UNC79: variants seen among roughly 807,000 people sequenced by gnomAD.
UNC79 encodes the protein unc-79 subunit of NALCN channel complex.
Under a neutral mutation model 283.1 loss-of-function variants are expected in UNC79, and 37 were observed. The ratio of observed to expected loss-of-function variants is 0.13; its 90% CI spans 0.10 to 0.17. UNC79 has a LOEUF of 0.17. Among genes scored for constraint, UNC79 ranks in the 10% least tolerant of loss-of-function variants. The pLI, the probability that UNC79 is intolerant of heterozygous loss-of-function variation, is 1.00. For synonymous variants in UNC79, 1,107 were observed against 1,200.2 expected (o/e 0.92, Z 1.61); for missense variants, 2,272 against 3,211.1 (o/e 0.71, Z 7.07).
At chr14:93,603,199 G>A in intron 25 of UNC79, 40 bp from the exon 26 acceptor site, 1 of 1,606,528 alleles carries the variant, frequency 6.2e-7, no homozygotes, top group Admixed American at 1.7e-5. Flanking sequence ...AAAGCCCTGT[G>A]TAAAGGAGAG....
At chr14:93,369,990 T>G (rs2054409558) in intron 1 of UNC79, among the ~76,000 whole-genome samples, 1 of 152,100 alleles carries the variant, frequency 6.6e-6, no homozygotes, top group Non-Finnish European at 1.5e-5. Context: ...AAAAAAATGA[T>G]AAATACTTGT....
chr14:93,389,519 T>C (rs2054841033), intron 1 of UNC79, among the ~76,000 whole-genome samples: 1 of 152,108 alleles, frequency 6.6e-6, no homozygotes, highest in East Asian at 1.9e-4. Context: ...TTTGCTGAAT[T>C]GAGGAGACAG....
intron 41 of UNC79, among the ~76,000 whole-genome samples, chr14:93,679,903 C>T (rs2073696751): frequency 6.6e-6 from 1 of 152,122 alleles, no homozygotes; most frequent in Admixed American, 6.5e-5. Flanking sequence ...TTTTGAGCAG[C>T]TCTATAACAT....
At chr14:93,684,606 A>G (rs138237555) in intron 42 of UNC79, among the ~76,000 whole-genome samples, 1 of 152,336 alleles carries the variant, frequency 6.6e-6, no homozygotes, top group African/African-American at 2.4e-5. Flanking sequence ...CATTATATGT[A>G]TGTGTGTATG....
chr14:93,436,215 A>G (rs2056080786), intron 1 of UNC79, among the ~76,000 whole-genome samples: 2 of 152,224 alleles, frequency 1.3e-5, no homozygotes, highest in South Asian at 4.1e-4. Context: ...TTTTGTTAAT[A>G]TGAAGTTCTG....
intron 30 of UNC79, among the ~76,000 whole-genome samples, chr14:93,627,372 T>C (rs1377447971): frequency 6.6e-6 from 1 of 152,212 alleles, no homozygotes; most frequent in Non-Finnish European, 1.5e-5. Flanking sequence ...CAACCATCAG[T>C]GACCTATTGC....
intron 27 of UNC79, among the ~76,000 whole-genome samples, chr14:93,615,506 G>A (rs1384390758): frequency 6.6e-6 from 1 of 151,800 alleles, no homozygotes; most frequent in Non-Finnish European, 1.5e-5. Context: ...GGAGGATCAC[G>A]AGGTCAGGAG....
chr14:93,378,594 A>T (rs1219929026), intron 1 of UNC79, among the ~76,000 whole-genome samples: 3 of 152,228 alleles, frequency 2.0e-5, no homozygotes, highest in South Asian at 4.1e-4. Flanking sequence ...CCATATACAG[A>T]TAGCCTGAAG....
chr14:93,400,688 G>A (rs772997313), intron 1 of UNC79, among the ~76,000 whole-genome samples: 2 of 152,166 alleles, frequency 1.3e-5, no homozygotes, highest in Non-Finnish European at 2.9e-5. Context: ...GGTGCATATC[G>A]CTTTAGGGTG....
chr14:93,441,916 G>A (rs1281923709), intron 1 of UNC79, among the ~76,000 whole-genome samples: 2 of 151,990 alleles, frequency 1.3e-5, no homozygotes, highest in Admixed American at 1.3e-4. Flanking sequence ...GATCCTTTAG[G>A]AAGGGCTTAC....
At chr14:93,350,168 T>G (rs1011656008) in intron 1 of UNC79, among the ~76,000 whole-genome samples, 1 of 152,070 alleles carries the variant, frequency 6.6e-6, no homozygotes, top group Admixed American at 6.5e-5. Context: ...TCACTAAAAT[T>G]TAAGGTTACT....
chr14:93,622,286 G>A (rs890373947), exon 30 of UNC79: 1 of 1,614,140 alleles, frequency 6.2e-7, no homozygotes, highest in African/African-American at 1.3e-5. Context: ...AGCTCCGCTT[G>A]TACAAGTAAG....
At chr14:93,641,391 T>C (rs1218210826) in intron 33 of UNC79, 144 bp downstream of exon 36, 2 of 754,964 alleles carry the variant, frequency 2.6e-6, no homozygotes, top group Non-Finnish European at 4.3e-6. Flanking sequence ...CACAGATGCT[T>C]GTTCAGTGAG....
rs536701700 is a variant in UNC79 at position 93,536,721 on chromosome 14, T to A, written c.1123-1268T>A. Among the ~76,000 whole-genome samples the A allele has an allele frequency of 1.5e-4, 22 of 151,554 alleles. No individual in the cohort carries two copies. The South Asian group carries it at 1.7e-3, about 12-fold the overall frequency. On this transcript the variant is annotated intron_variant, in intron 11 of 48. Transcript: ENST00000555664. ...GATTCTTAGAACCCTTATTGTTGAA[T>A]GAAGTGGATGCTGAGGTATGCCCTT...
In UNC79 at chr14:93,604,508, A is replaced by C. The variant is rs143219849; in HGVS notation, c.3754+1090A>C. On this transcript the variant is annotated intron_variant, in intron 26 of 48. Transcript: ENST00000555664. ...GATAATCACAGGTGATCATTTAAGA[A>C]TAGCCAGTGGTAGTGCTAGGCCCCA... 8.7e-3 allele frequency among the ~76,000 whole-genome samples: 1,329 copies of C among 152,330 alleles called. 13 individuals carry two copies. Among genetic ancestry groups the C allele is most frequent in the Non-Finnish European group, 0.011 (729 of 68,024 alleles).
At position 93,381,572 on chromosome 14, in the gene UNC79, C is replaced by T. The variant is rs117699842; in HGVS notation, c.-351+48049C>T. Reference sequence around the variant, plus strand: ...CTACTGGTAGGCCAGATGAGGGCTTCTGGAGCAAGAGGAAGAGACAGATGG... The same window carrying T: ...CTACTGGTAGGCCAGATGAGGGCTTTTGGAGCAAGAGGAAGAGACAGATGG... On this transcript the variant is annotated intron_variant, in intron 1 of 49. Transcript: ENST00000256339. Among the ~76,000 whole-genome samples, 729 of 152,288 alleles carry T rather than the reference C, an allele frequency of 4.8e-3. 10 individuals carry two copies. Among genetic ancestry groups the T allele is most frequent in the Admixed American group, 9.4e-3 (143 of 15,286 alleles).
chr14:93,358,405 C>T (rs2139935044), intron 1 of UNC79, among the ~76,000 whole-genome samples: 1 of 152,248 alleles, frequency 6.6e-6, no homozygotes, highest in African/African-American at 2.4e-5. Flanking sequence ...AGATCCTGAG[C>T]CTCAAATCTT....
At chr14:93,583,762 G>T (rs2063997291) in intron 20 of UNC79, among the ~76,000 whole-genome samples, 1 of 150,564 alleles carries the variant, frequency 6.6e-6, no homozygotes, top group African/African-American at 2.4e-5. Context: ...CCTTGCTTCT[G>T]CCAGATTGCT....
At chr14:93,557,434 C>T (rs1020531218) in intron 14 of UNC79, among the ~76,000 whole-genome samples, 1 of 152,118 alleles carries the variant, frequency 6.6e-6, no homozygotes, top group Non-Finnish European at 1.5e-5. Context: ...TCTGGCTCTC[C>T]TAGGCTCCTG....
Sources: gnomAD v4.1 joint callset for allele counts (sites outside exome capture counted in the v4.1 genomes callset) on GRCh38, gnomAD v4.1.1 for gene constraint, MANE v1.5 for transcripts, NCBI Gene and HGNC (gene_info 2026-07-23, HGNC 2026-07-21) for gene names.